Variants in STK35 observed in about 807,000 individuals in gnomAD.
STK35 encodes the protein serine/threonine-protein kinase 35.
In STK35, 17 loss-of-function variants were observed where a neutral mutation model predicts 37.3. That is an observed-to-expected ratio of 0.46 (90% CI 0.31 to 0.68). The LOEUF (loss-of-function observed/expected upper bound fraction) is 0.68, where lower values mean the gene tolerates loss of function less well. Among genes scored for constraint, STK35 ranks in the 30% least tolerant of loss-of-function variants. The pLI, the probability that STK35 is intolerant of heterozygous loss-of-function variation, is 0.05. For missense variants in STK35, 595 were observed against 746.7 expected (o/e 0.80, Z 2.37); for synonymous variants, 385 against 319.1 (o/e 1.21, Z -2.20).
At chr20:2,119,780 G>A (rs1600607463) in intron 3 of STK35, among the ~76,000 whole-genome samples, 1 of 152,196 alleles carries the variant, frequency 6.6e-6, no homozygotes, top group Non-Finnish European at 1.5e-5. Context: ...GGAGCCATAA[G>A]GCACGGAGCT....
At chr20:2,136,694 T>C (rs1986092259) in intron 3 of STK35, among the ~76,000 whole-genome samples, 1 of 152,216 alleles carries the variant, frequency 6.6e-6, no homozygotes, top group Admixed American at 6.5e-5. Flanking sequence ...TATCACCTGG[T>C]ATTTGAGCTC....
chr20:2,115,846 G>GGT (rs1165337861), intron 2 of STK35, among the ~76,000 whole-genome samples: 23 of 150,428 alleles, frequency 1.5e-4, no homozygotes, highest in African/African-American at 5.8e-4. Context: ...CCTTTTACAG[G>GGT]GTAAGTTCAG....
intron 3 of STK35, among the ~76,000 whole-genome samples, chr20:2,143,062 C>T (rs1216129013): frequency 1.3e-5 from 2 of 152,190 alleles, no homozygotes; most frequent in Admixed American, 6.5e-5. Flanking sequence ...TAGCCTGTGA[C>T]GCAGGTACAG....
intron 3 of STK35, among the ~76,000 whole-genome samples, chr20:2,121,446 T>C (rs1985815209): frequency 6.6e-6 from 1 of 152,044 alleles, no homozygotes; most frequent in Non-Finnish European, 1.5e-5. Flanking sequence ...ATGGGAAGAA[T>C]AGAGCTGCCA....
intron 2 of STK35, among the ~76,000 whole-genome samples, chr20:2,112,549 G>A (rs766099592): frequency 6.6e-6 from 1 of 152,130 alleles, no homozygotes; most frequent in African/African-American, 2.4e-5. Context: ...CATGGTCTGG[G>A]GGGAGGACTT....
In STK35 at chr20:2,148,503, G is replaced by A. The variant is rs991387685; in HGVS notation, c.*4757G>A. The A allele has an allele frequency of 6.6e-6, 1 of 152,614 alleles. No homozygotes were observed. The allele number at this position is 152,614 out of a possible 1,614,324, so 9.5% of individuals were successfully genotyped here. ...AGGCTTTGTAAATTAAGGGACGTTT[G>A]TGTGAATAAAGTTATTTGATGGGGT... is the stretch of plus-strand genomic sequence containing the variant. On this transcript the variant is annotated 3_prime_UTR_variant, in exon 4 of 4. Coordinates refer to ENST00000381482, the MANE Select transcript of STK35 (RefSeq NM_080836.4).
chr20:2,106,747 A>G (rs1985523220), intron 2 of STK35, among the ~76,000 whole-genome samples: 1 of 152,192 alleles, frequency 6.6e-6, no homozygotes, highest in African/African-American at 2.4e-5. Flanking sequence ...GTCTTACCCC[A>G]TTTTGTTTGA....
chr20:2,141,277 A>T lies in STK35; in HGVS notation c.*38-2507A>T, dbSNP rs73892045. 2.7e-3 allele frequency among the ~76,000 whole-genome samples: 414 copies of T among 152,350 alleles called. 1 individual carries two copies. The highest frequency in any genetic ancestry group is 0.014 in the Middle Eastern group (4 of 294). On this transcript the variant is annotated intron_variant, in intron 3 of 3. Coordinates refer to ENST00000381482, the MANE Select transcript of STK35 (RefSeq NM_080836.4). ...TTCTTTTTCCAAGTCAAAAACTGGG[A>T]TACAAGACCCACAAGTGGATTTTTT...
intron 3 of STK35, among the ~76,000 whole-genome samples, chr20:2,136,356 C>T (rs1986087235): frequency 6.6e-6 from 1 of 152,182 alleles, no homozygotes; most frequent in Non-Finnish European, 1.5e-5. Flanking sequence ...ATTTCTCTCA[C>T]CCAGCTCTGA....
At chr20:2,140,522 T>C (rs1464261038) in intron 3 of STK35, among the ~76,000 whole-genome samples, 2 of 152,244 alleles carry the variant, frequency 1.3e-5, no homozygotes, top group Non-Finnish European at 2.9e-5. Flanking sequence ...GTGAGCTTAC[T>C]GTGCTGTTAG....
chr20:2,102,398 G>C (rs1200989042), intron 1 of STK35, among the ~76,000 whole-genome samples: 4 of 152,228 alleles, frequency 2.6e-5, no homozygotes. Context: ...CGAACACAAG[G>C]CGGGGCGCGG....
intron 2 of STK35, among the ~76,000 whole-genome samples, chr20:2,116,231 C>G (rs139629969): frequency 6.6e-6 from 1 of 152,100 alleles, no homozygotes. Flanking sequence ...AACAAGAATC[C>G]TTCTACAAGT....
intron 3 of STK35, among the ~76,000 whole-genome samples, chr20:2,118,677 C>T (rs1184043709): frequency 1.3e-5 from 2 of 152,226 alleles, no homozygotes; most frequent in African/African-American, 4.8e-5. Context: ...GCCTATATGA[C>T]GGTGGTCCCA....
At chr20:2,102,657 G>T in intron 1 of STK35, 111 bp from the exon 2 acceptor site, 1 of 1,077,062 alleles carries the variant, frequency 9.3e-7, no homozygotes, top group Non-Finnish European at 1.2e-6. Context: ...GGTGGCTTCC[G>T]TCTTAAAGGG....
intron 3 of STK35, among the ~76,000 whole-genome samples, chr20:2,139,699 T>A (rs1986142155): frequency 6.6e-6 from 1 of 152,202 alleles, no homozygotes; most frequent in African/African-American, 2.4e-5. Context: ...ACTCGATCCT[T>A]TAACAGTGAT....
In STK35 at chr20:2,103,206, C is replaced by A. The variant is rs777370573; in HGVS notation, c.733C>A (p.Leu245Met). 2 of 1,611,422 alleles carry A rather than the reference C, an allele frequency of 1.2e-6. No homozygotes were observed. Among genetic ancestry groups the A allele is most frequent in the South Asian group, 1.1e-5 (1 of 90,922 alleles). Reference sequence around the variant, plus strand: ...CGCCCCCGAGAACGTGGAGCTGGCGCTGGCTGAATTCTGGGCCCTCACCAG... The same window carrying A: ...CGCCCCCGAGAACGTGGAGCTGGCGATGGCTGAATTCTGGGCCCTCACCAG... ...CDAPENVELA[L>M]AEFWALTSLK... The change falls in exon 2 of 4, where the codon CTG becomes ATG. Residue 245 changes from leucine (L) to methionine (M), a missense_variant. Physicochemically the swap from Leu to Met is conservative, Grantham distance 15. Around this residue, in one of 3 missense-constraint regions of STK35, gnomAD observed 97 missense variants for 146.4 expected, o/e 0.66. Transcript: ENST00000381482.
At chr20:2,118,868 G>A (rs1985767304) in intron 3 of STK35, among the ~76,000 whole-genome samples, 1 of 152,210 alleles carries the variant, frequency 6.6e-6, no homozygotes, top group South Asian at 2.1e-4. Flanking sequence ...TTGTAGTCCA[G>A]GAATGATAGG....
chr20:2,138,425 C>T (rs1986120684), intron 3 of STK35, among the ~76,000 whole-genome samples: 1 of 152,152 alleles, frequency 6.6e-6, no homozygotes, highest in Admixed American at 6.5e-5. Context: ...TTGAAGAATT[C>T]TTCACTCTTC....
chr20:2,121,436 A>G (rs935997763), intron 3 of STK35, among the ~76,000 whole-genome samples: 4 of 152,160 alleles, frequency 2.6e-5, no homozygotes, highest in African/African-American at 7.2e-5. Context: ...AGCCTAAGTG[A>G]TGGGAAGAAT....
Sources: gnomAD v4.1 joint callset for allele counts (sites outside exome capture counted in the v4.1 genomes callset) on GRCh38, gnomAD v4.1.1 for gene constraint, gnomAD v4.1.1 regional missense constraint, MANE v1.5 for transcripts, NCBI Gene and HGNC (gene_info 2026-07-23, HGNC 2026-07-21) for gene names.